The following RAD52 variants were observed in gnomAD, a reference collection of about 807,000 sequenced individuals.
The protein encoded by RAD52 is DNA repair protein RAD52 homolog.
Under a neutral mutation model 55.5 loss-of-function variants are expected in RAD52, and 47 were observed. The observed-to-expected ratio is 0.85, with a 90% CI of 0.67 to 1.08. The LOEUF (loss-of-function observed/expected upper bound fraction) is 1.08, where lower values mean the gene tolerates loss of function less well. Among genes scored for constraint, RAD52 ranks in the 50% least tolerant of loss-of-function variants. RAD52 has a pLI of 0.00. For synonymous variants in RAD52, 184 were observed against 198.9 expected, an observed-to-expected ratio of 0.92 and a Z score of 0.63; for missense variants, 468 against 522.8, an observed-to-expected ratio of 0.90 and a Z score of 1.02.
At chr12:978,898 A>G (rs1016530728) in intron 1 of RAD52, among the ~76,000 whole-genome samples, 1 of 151,386 alleles carries the variant, frequency 6.6e-6, no homozygotes, top group African/African-American at 2.4e-5. Context: ...AGGTAGATAG[A>G]TAGATAGATA....
At chr12:946,446 C>T (rs988753173) in intron 1 of RAD52, among the ~76,000 whole-genome samples, 3 of 152,188 alleles carry the variant, frequency 2.0e-5, no homozygotes, top group African/African-American at 4.8e-5. Flanking sequence ...CAGGCCAATA[C>T]ATAACCTTGT....
At chr12:955,903 C>T (rs910706723) in intron 1 of RAD52, among the ~76,000 whole-genome samples, 19 of 152,044 alleles carry the variant, frequency 1.2e-4, no homozygotes, top group South Asian at 8.3e-4. Context: ...GCCTTAGCCT[C>T]CCTAGTAGCT....
chr12:960,956 G>A (rs1358824430), intron 1 of RAD52, among the ~76,000 whole-genome samples: 2 of 151,920 alleles, frequency 1.3e-5, no homozygotes, highest in African/African-American at 4.8e-5. Flanking sequence ...AAGAGAAGGA[G>A]CCCCAACACT....
chr12:925,411 C>A, intron 7 of RAD52, 39 bp downstream of exon 7: 1 of 1,542,152 alleles, frequency 6.5e-7, no homozygotes, highest in Non-Finnish European at 9.0e-7. Flanking sequence ...CAAGAGTTTG[C>A]CGCATTATCT....
chr12:915,295 C>G (rs1013182106), intron 9 of RAD52, among the ~76,000 whole-genome samples: 1 of 152,190 alleles, frequency 6.6e-6, no homozygotes, highest in Non-Finnish European at 1.5e-5. Context: ...AGCTAAACAC[C>G]TGCAATAACT....
rs376926328 is a variant in RAD52, at chr12:973,102, C to T, written c.-19+16707G>A. On this transcript the variant is annotated intron_variant, in intron 1 of 11. Transcript: ENST00000430095. The stretch of plus-strand genomic sequence containing the variant: ...TTTCTTTTTTTGAGACGGAGTCTCG[C>T]TCTGTCGCCCAGGCTGGAGTGCAGT... 3.3e-5 allele frequency among the ~76,000 whole-genome samples: 5 copies of T among 152,292 alleles called. No individual in the cohort carries two copies. The East Asian group carries it at 7.8e-4, about 24-fold the overall frequency.
intron 1 of RAD52, among the ~76,000 whole-genome samples, chr12:944,511 A>G (rs1018152995): frequency 6.6e-6 from 1 of 151,388 alleles, no homozygotes; most frequent in Non-Finnish European, 1.5e-5. Context: ...ACAGAGGAAG[A>G]CCCTGTCTCA....
chr12:927,233 CA>C lies in RAD52; in HGVS notation c.378del (p.Tyr126Ter). ...KDGSYHEDVGYGVSEGLKSKA... is the reference protein window; with the variant it reads ...KDGSYHEDVGXGVSEGLKSKA... Reference sequence around the variant, plus strand: ...TTGGACTTGAGGCCCTCACTAACACCATAACCAACATCTTCATGATATGAAC... The same window carrying C: ...TTGGACTTGAGGCCCTCACTAACACCTAACCAACATCTTCATGATATGAAC... On this transcript the variant is annotated frameshift_variant, in exon 6 of 12. Transcript: ENST00000358495. LOFTEE classifies it high-confidence loss of function. The C allele has an allele frequency of 6.2e-7, 1 of 1,614,050 alleles. No individual in the cohort carries two copies. Among genetic ancestry groups the C allele is most frequent in the African/African-American group, 1.3e-5 (1 of 75,014 alleles).
chr12:932,946 C>G, intron 2 of RAD52, 29 bp downstream of exon 2: 1 of 1,611,212 alleles, frequency 6.2e-7, no homozygotes, highest in Non-Finnish European at 8.5e-7. Context: ...TCACCTCATT[C>G]TTTCCCGGCA....
intron 1 of RAD52, among the ~76,000 whole-genome samples, chr12:943,874 C>T (rs1958051198): frequency 6.6e-6 from 1 of 151,278 alleles, no homozygotes; most frequent in Non-Finnish European, 1.5e-5. Flanking sequence ...AGATATTCTT[C>T]TCATCTTCTT....
intron 11 of RAD52, 35 bp downstream of exon 11, chr12:913,859 C>T: frequency 6.4e-7 from 1 of 1,551,122 alleles, no homozygotes; most frequent in Non-Finnish European, 8.9e-7. Context: ...CTAGGATCTC[C>T]CCTTAATTTT....
In RAD52 at chr12:916,345, C is replaced by G. The variant is rs748463909; in HGVS notation, c.864G>C (p.Glu288Asp). 6.2e-7 allele frequency: 1 copy of G among 1,605,542 alleles called. No homozygotes were observed. The highest frequency in any genetic ancestry group is 1.7e-5 in the Admixed American group (1 of 60,010). The change falls in exon 9 of 12, where the codon GAG becomes GAC. Residue 288 changes from glutamate (E) to aspartate (D), a missense_variant and splice_region_variant. Physicochemically the swap from Glu to Asp is conservative, Grantham distance 45. Coordinates refer to ENST00000358495, the MANE Select transcript of RAD52 (RefSeq NM_134424.4). Reference protein sequence around the residue: ...RVSTPSAEKSEAAPPAPPVTH... With the variant: ...RVSTPSAEKSDAAPPAPPVTH... The stretch of plus-strand genomic sequence containing the variant: ...GCCCTGCTCCCACCCCTCGCTCACC[C>G]TCACTCTTCTCAGCTGACGGCGTGG...
intron 1 of RAD52, among the ~76,000 whole-genome samples, chr12:936,416 T>C (rs371867906): frequency 6.6e-6 from 1 of 150,908 alleles, no homozygotes; most frequent in Non-Finnish European, 1.5e-5. Context: ...TCTTTTACTT[T>C]GAAAAAGATG....
At chr12:966,914 A>G (rs1331266236) in intron 1 of RAD52, among the ~76,000 whole-genome samples, 1 of 152,108 alleles carries the variant, frequency 6.6e-6, no homozygotes. Context: ...AAGGTAAAAA[A>G]AAAAATCTAT....
intron 1 of RAD52, among the ~76,000 whole-genome samples, chr12:958,766 G>A (rs1413085444): frequency 1.3e-5 from 2 of 152,180 alleles, no homozygotes; most frequent in African/African-American, 4.8e-5. Flanking sequence ...CAGGGTGCGT[G>A]TGGCGATTCA....
At chr12:990,146 G>A (rs1959167886), upstream of RAD52, 1 of 152,240 alleles carries the variant, frequency 6.6e-6, no homozygotes, top group Non-Finnish European at 1.5e-5. Flanking sequence ...ATGGGATTAT[G>A]AGGCAGTATA....
At chr12:917,568 G>T (rs1423407045) in intron 7 of RAD52, among the ~76,000 whole-genome samples, 1 of 152,042 alleles carries the variant, frequency 6.6e-6, no homozygotes, top group African/African-American at 2.4e-5. Flanking sequence ...TACATTGAAA[G>T]ATAAATGAGT....
In RAD52 at chr12:916,547, C is replaced by T. The variant is rs779525329; in HGVS notation, c.726-64G>A. ...AACAGCCGCGGCTGCTGGGAGGACACGCACGGCTGGCTGGCTCTGGAGGCC... is the reference window on the plus strand; with the variant it reads ...AACAGCCGCGGCTGCTGGGAGGACATGCACGGCTGGCTGGCTCTGGAGGCC... On this transcript the variant is annotated intron_variant, in intron 8 of 11. Coordinates refer to ENST00000358495, the MANE Select transcript of RAD52 (RefSeq NM_134424.4). 1.4e-5 allele frequency: 22 copies of T among 1,602,658 alleles called. No homozygotes were observed. The African/African-American group carries it at 2.0e-4, about 15-fold the overall frequency.
At chr12:987,097 A>C (rs1020731615) in intron 1 of RAD52, among the ~76,000 whole-genome samples, 1 of 151,834 alleles carries the variant, frequency 6.6e-6, no homozygotes, top group African/African-American at 2.4e-5. Context: ...CGGCCTCCTG[A>C]GTAGTTGGGA....
Sources: gnomAD v4.1 joint callset for allele counts (sites outside exome capture counted in the v4.1 genomes callset) on GRCh38, gnomAD v4.1.1 for gene constraint, MANE v1.5 for transcripts, NCBI Gene and HGNC (gene_info 2026-07-23, HGNC 2026-07-21) for gene names.